Variants in ANO2 observed in about 807,000 individuals in gnomAD.
ANO2 encodes the protein anoctamin 2.
Under a neutral mutation model 124.2 loss-of-function variants are expected in ANO2, and 101 were observed. The ratio of observed to expected loss-of-function variants is 0.81; its 90% CI spans 0.69 to 0.96. The LOEUF (loss-of-function observed/expected upper bound fraction) is 0.96, where lower values mean the gene tolerates loss of function less well. Ranked by LOEUF, ANO2 falls within the 40% of genes least tolerant of loss-of-function variation. The pLI is 0.00. For synonymous variants in ANO2, 486 were observed against 482.5 expected (o/e 1.01, Z -0.09); for missense variants, 1,293 against 1,274.5 (o/e 1.01, Z -0.22).
chr12:5,865,799 A>G (rs1955410805), intron 3 of ANO2, among the ~76,000 whole-genome samples: 1 of 151,936 alleles, frequency 6.6e-6, no homozygotes, highest in Non-Finnish European at 1.5e-5. Context: ...ACAATCATTC[A>G]TTCACACCAT....
intron 3 of ANO2, among the ~76,000 whole-genome samples, chr12:5,885,409 G>T (rs969455568): frequency 2.0e-5 from 3 of 152,210 alleles, no homozygotes; most frequent in Non-Finnish European, 4.4e-5. Flanking sequence ...GCCAAAGAAA[G>T]GTGGCTGCAA....
At chr12:5,716,770 A>C (rs1400416785) in intron 14 of ANO2, among the ~76,000 whole-genome samples, 3 of 152,206 alleles carry the variant, frequency 2.0e-5, no homozygotes, top group Non-Finnish European at 4.4e-5. Context: ...AGCTGTATCC[A>C]ACAGGCCCAG....
At chr12:5,679,082 C>T (rs1948383028) in intron 14 of ANO2, among the ~76,000 whole-genome samples, 1 of 152,188 alleles carries the variant, frequency 6.6e-6, no homozygotes, top group Non-Finnish European at 1.5e-5. Context: ...ATATGTGTAA[C>T]ATTTGGAGCA....
rs1941352466 is a variant in ANO2 at position 5,915,968 on chromosome 12, T to G, written c.534+5072A>C. ...TAGGTACACTGTGGTGGCTGCAAAC[T>G]GCTCATTCATTAAAATAATGGAGTC... On this transcript the variant is annotated intron_variant, in intron 3 of 24. Transcript: ENST00000682330. 3.3e-5 allele frequency among the ~76,000 whole-genome samples: 5 copies of G among 152,142 alleles called. No individual in the cohort carries two copies. In the South Asian group the frequency reaches 1.0e-3, roughly 32 times the overall value.
At chr12:5,697,436 A>T (rs1591934881) in intron 14 of ANO2, among the ~76,000 whole-genome samples, 1 of 152,258 alleles carries the variant, frequency 6.6e-6, no homozygotes, top group East Asian at 1.9e-4. Flanking sequence ...AGTCTCAAAA[A>T]AAATAAATAA....
intron 1 of ANO2, among the ~76,000 whole-genome samples, chr12:5,942,827 G>A (rs1942947683): frequency 6.6e-6 from 1 of 152,166 alleles, no homozygotes; most frequent in African/African-American, 2.4e-5. Flanking sequence ...CTCAAAAGAA[G>A]ATATATAAAT....
At chr12:5,661,428 C>A (rs1357738142) in intron 14 of ANO2, among the ~76,000 whole-genome samples, 1 of 152,214 alleles carries the variant, frequency 6.6e-6, no homozygotes, top group Non-Finnish European at 1.5e-5. Context: ...GGAAGGGAAT[C>A]AGAATCCTTT....
intron 1 of ANO2, 32 bp from the exon 2 acceptor site, chr12:5,922,836 A>G: frequency 6.8e-7 from 1 of 1,465,396 alleles, no homozygotes. Context: ...GAGGCAAAAC[A>G]GCCTCAGGTG....
chr12:5,849,082 G>A (rs530981970), intron 4 of ANO2, among the ~76,000 whole-genome samples: 1 of 152,304 alleles, frequency 6.6e-6, no homozygotes, highest in South Asian at 2.1e-4. Context: ...CTACTTGCGT[G>A]CAAAGGACAC....
intron 10 of ANO2, among the ~76,000 whole-genome samples, chr12:5,775,144 A>G (rs1222502900): frequency 6.6e-6 from 1 of 152,198 alleles, no homozygotes; most frequent in Non-Finnish European, 1.5e-5. Context: ...CTATTTTGAG[A>G]GCCTCTGATC....
At chr12:5,664,643 A>G (rs980094892) in intron 14 of ANO2, among the ~76,000 whole-genome samples, 13 of 152,196 alleles carry the variant, frequency 8.5e-5, no homozygotes, top group African/African-American at 3.1e-4. Context: ...AATAATTCCA[A>G]TCGTATGTTC....
intron 14 of ANO2, among the ~76,000 whole-genome samples, chr12:5,701,589 T>G (rs1191720382): frequency 1.3e-5 from 2 of 152,176 alleles, no homozygotes; most frequent in Non-Finnish European, 2.9e-5. Context: ...TTAAGAGCAT[T>G]CTTATTTAAT....
intron 14 of ANO2, among the ~76,000 whole-genome samples, chr12:5,710,678 A>G (rs1949779295): frequency 6.6e-6 from 1 of 152,216 alleles, no homozygotes; most frequent in Non-Finnish European, 1.5e-5. Flanking sequence ...AGCACACAGT[A>G]GGGCCACATG....
At chr12:5,695,135 G>T (rs551842878) in intron 14 of ANO2, among the ~76,000 whole-genome samples, 1 of 152,016 alleles carries the variant, frequency 6.6e-6, no homozygotes, top group African/African-American at 2.4e-5. Flanking sequence ...CTGCTCCCTA[G>T]AAGAAAAAGG....
At chr12:5,868,368 T>C (rs73052332) in intron 3 of ANO2, among the ~76,000 whole-genome samples, 9,288 of 152,150 alleles carry the variant, frequency 0.061, 651 homozygotes, top group African/African-American at 0.17. Context: ...TTACTCCCTG[T>C]GTGACGTTGA....
chr12:5,770,322 A>G (rs1952038862), intron 10 of ANO2, among the ~76,000 whole-genome samples: 1 of 151,716 alleles, frequency 6.6e-6, no homozygotes, highest in Non-Finnish European at 1.5e-5. Flanking sequence ...AATCTCATGA[A>G]CCCACCAGTC....
At chr12:5,734,986 A>C (rs1950799010) in intron 13 of ANO2, among the ~76,000 whole-genome samples, 1 of 152,148 alleles carries the variant, frequency 6.6e-6, no homozygotes, top group Non-Finnish European at 1.5e-5. Context: ...CTAGCTTCCT[A>C]AGCACTCAGA....
rs755985491 is a variant in ANO2 at position 5,565,471 on chromosome 12, C to T, written c.2727+87G>A. ...CTTATGTCACAGAGTACCACCGGAA[C>T]CTGGAGGTAGGTGCAAGCAATGAGT... On this transcript the variant is annotated intron_variant, in intron 24 of 24. Transcript: ENST00000682330. 16 of 1,159,774 alleles carry T rather than the reference C, an allele frequency of 1.4e-5. No individual in the cohort carries two copies. In the African/African-American group the frequency reaches 2.5e-4, roughly 18 times the overall value. The allele number at this position is 1,159,774 out of a possible 1,614,324, so 71.8% of individuals were successfully genotyped here. A position where few individuals can be genotyped will look rare whatever the true frequency, so the allele number is the denominator to read the frequency against.
chr12:5,674,519 A>C (rs898382200), intron 14 of ANO2, among the ~76,000 whole-genome samples: 8 of 152,218 alleles, frequency 5.3e-5, no homozygotes, highest in African/African-American at 1.9e-4. Flanking sequence ...TCACATACAG[A>C]AAGTGGCTGG....
Sources: allele counts gnomAD v4.1 joint callset (sites outside exome capture counted in the v4.1 genomes callset), GRCh38; gene constraint gnomAD v4.1.1; transcripts MANE v1.5; gene names NCBI Gene and HGNC (gene_info 2026-07-23, HGNC 2026-07-21).